GYG1: variants seen among roughly 807,000 people sequenced by gnomAD.
GYG1 encodes the protein glycogenin-1.
A neutral mutation model predicts 41.9 loss-of-function variants in GYG1; 44 were observed. The ratio of observed to expected loss-of-function variants is 1.05; its 90% confidence interval spans 0.83 to 1.35. GYG1 has a LOEUF of 1.35. Ranked by LOEUF, GYG1 falls within the 40% of genes most tolerant of loss-of-function variation. The pLI is 0.00. For missense variants in GYG1, 429 were observed against 418.9 expected, an observed-to-expected ratio of 1.02 and a Z score of -0.21; for synonymous variants, 141 against 158.1, an observed-to-expected ratio of 0.89 and a Z score of 0.81.
Position 149,029,575 on chromosome 3 carries a change from G to C in GYG1, c.*2642G>C, listed in dbSNP as rs1420138345. Among the ~76,000 whole-genome samples, 1 of 152,214 alleles carries C rather than the reference G, an allele frequency of 6.6e-6. No homozygotes were observed. The highest frequency in any genetic ancestry group is 1.9e-4 in the East Asian group (1 of 5,202). Reference sequence around the variant, plus strand: ...CTTGAGGTTAAACATTTGAGTTTTTGTTAAGAGCCAAACATCAAATGTGCC... The same window carrying C: ...CTTGAGGTTAAACATTTGAGTTTTTCTTAAGAGCCAAACATCAAATGTGCC... On this transcript the variant is annotated 3_prime_UTR_variant, in exon 8 of 8. Transcript: ENST00000345003.
At chr3:149,003,966 CCA>C (rs1280214727) in intron 4 of GYG1, 2 of 152,128 alleles carry the variant, frequency 1.3e-5, no homozygotes, top group Non-Finnish European at 2.9e-5. Context: ...ACAAATAGGC[CCA>C]GTTTCTGATA....
Position 149,029,879 on chromosome 3 carries a change from TGAA to T in GYG1, c.*2950_*2952del, listed in dbSNP as rs1307064337. ...TCACAACTCCTTTTTTTCTTCCAGATGAAGAAATTAATTGGGACCAATGTTTTT... is the reference window on the plus strand; with the variant it reads ...TCACAACTCCTTTTTTTCTTCCAGATGAAATTAATTGGGACCAATGTTTTT... On this transcript the variant is annotated 3_prime_UTR_variant, in exon 8 of 8. Transcript: ENST00000345003. Among the ~76,000 whole-genome samples the T allele has an allele frequency of 1.3e-5, 2 of 152,158 alleles. No homozygotes were observed. The highest frequency in any genetic ancestry group is 2.9e-5 in the Non-Finnish European group (2 of 68,012).
rs567552693 is a variant in GYG1 at position 148,991,566 on chromosome 3, C to T, written c.-75C>T. The T allele has an allele frequency of 2.4e-3, 3,610 of 1,529,454 alleles. 7 individuals carry two copies. Among genetic ancestry groups the T allele is most frequent in the Admixed American group, 3.1e-3 (159 of 51,232 alleles). 94.7% of individuals were successfully genotyped at this position (1,529,454 alleles called of 1,614,324 possible). ...CCCCGCCGTGCCTCCTCGCTGGCCG[C>T]GCTCCCTCCCGGTGCCGGCTTCTCT... On this transcript the variant is annotated 5_prime_UTR_variant, in exon 1 of 8. Coordinates refer to ENST00000345003, the MANE Select transcript of GYG1 (RefSeq NM_004130.4).
chr3:148,999,597 T>G (rs1712986293), intron 4 of GYG1, among the ~76,000 whole-genome samples: 1 of 152,232 alleles, frequency 6.6e-6, no homozygotes, highest in Non-Finnish European at 1.5e-5. Context: ...TGTGTTGGAC[T>G]TATGCTTGAT....
At position 149,024,089 on chromosome 3, in the gene GYG1, A is replaced by G. The variant is rs1714516187; in HGVS notation, c.645A>G (p.Gly215=). ...GASAKVVHFL[G]RVKPWNYTYD... is the part of the protein sequence containing the mutation. ...GTGCCAAAGTTGTGCATTTCCTGGG[A>G]CGAGTCAAACCATGGAATTATACTT... is the stretch of plus-strand genomic sequence containing the variant. The change falls in exon 6 of 8, where the codon GGA becomes GGG. Residue 215 remains glycine (G), a synonymous_variant. Coordinates refer to ENST00000345003, the MANE Select transcript of GYG1 (RefSeq NM_004130.4). 1 of 1,614,182 alleles carries G rather than the reference A, an allele frequency of 6.2e-7. No individual in the cohort carries two copies. The highest frequency in any genetic ancestry group is 2.2e-5 in the East Asian group (1 of 44,888).
chr3:149,008,613 C>T (rs896180740), intron 4 of GYG1, among the ~76,000 whole-genome samples: 7 of 152,326 alleles, frequency 4.6e-5, no homozygotes, highest in Admixed American at 3.3e-4. Context: ...TGTAGTGCCA[C>T]GTACATTCCT....
chr3:149,007,747 A>G (rs750075883), intron 4 of GYG1, among the ~76,000 whole-genome samples: 3 of 152,200 alleles, frequency 2.0e-5, no homozygotes, highest in Non-Finnish European at 4.4e-5. Context: ...ACTATGCAGT[A>G]TTCCTGCCTG....
intron 5 of GYG1, among the ~76,000 whole-genome samples, chr3:149,023,559 A>T (rs1182234823): frequency 6.6e-6 from 1 of 152,226 alleles, no homozygotes; most frequent in East Asian, 1.9e-4. Flanking sequence ...TGTTCTGTCC[A>T]CAATGGATTG....
chr3:148,996,227 C>A, intron 2 of GYG1, 75 bp from the exon 3 acceptor site: 1 of 988,012 alleles, frequency 1.0e-6, no homozygotes, highest in Non-Finnish European at 1.6e-6. Flanking sequence ...GGTAATAAAG[C>A]ATCAGTCTTA....
chr3:148,996,883 T>C lies in GYG1; in HGVS notation c.460T>C (p.Ser154Pro), dbSNP rs868642694. 2 of 1,613,454 alleles carry C rather than the reference T, an allele frequency of 1.2e-6. No homozygotes were observed. Among genetic ancestry groups the C allele is most frequent in the African/African-American group, 1.3e-5 (1 of 75,026 alleles). Residue 154 changes from serine to proline, a missense_variant, in exon 4 of 8, where the codon TCT becomes CCT. Coordinates refer to ENST00000345003, the MANE Select transcript of GYG1 (RefSeq NM_004130.4). Reference sequence around the variant, plus strand: ...ATACAATCAGCTGTTGCATCTTGCTTCTGAGCAAGGTAGTTTTGATGGTAT... The same window carrying C: ...ATACAATCAGCTGTTGCATCTTGCTCCTGAGCAAGGTAGTTTTGATGGTAT... Reference protein sequence around the residue: ...ETYNQLLHLASEQGSFDGGDQ... With the variant: ...ETYNQLLHLAPEQGSFDGGDQ...
rs1399589824 is a variant in GYG1 at position 148,996,843 on chromosome 3, G to A, written c.420G>A (p.Gln140=). 2 of 1,613,554 alleles carry A rather than the reference G, an allele frequency of 1.2e-6. No homozygotes were observed. Among genetic ancestry groups the A allele is most frequent in the Non-Finnish European group, 1.7e-6 (2 of 1,179,592 alleles). The change falls in exon 4 of 8, where the codon CAG becomes CAA. Residue 140 remains glutamine (Q), a synonymous_variant. Coordinates refer to ENST00000345003, the MANE Select transcript of GYG1 (RefSeq NM_004130.4). ...TCAATTCCGGAGTCTTCGTTTATCA[G>A]CCTTCAGTTGAAACATACAATCAGC... ...DCFNSGVFVY[Q]PSVETYNQLL... is the part of the protein sequence containing the mutation.
intron 5 of GYG1, 119 bp downstream of exon 5, chr3:149,009,521 A>G: frequency 1.9e-6 from 2 of 1,047,766 alleles, no homozygotes; most frequent in South Asian, 1.3e-5. Context: ...CTTTGAGGAA[A>G]GTTTCTCTTG....
At chr3:149,008,706 CA>C (rs1300127238) in intron 4 of GYG1, among the ~76,000 whole-genome samples, 1 of 152,214 alleles carries the variant, frequency 6.6e-6, no homozygotes, top group Non-Finnish European at 1.5e-5. Flanking sequence ...CTTGTGAAGA[CA>C]GTGACCATAT....
chr3:149,020,305 A>G (rs780872055), intron 5 of GYG1, among the ~76,000 whole-genome samples: 3 of 152,158 alleles, frequency 2.0e-5, no homozygotes, highest in African/African-American at 4.8e-5. Context: ...TTCACTTTCA[A>G]ATTAATTGTC....
intron 4 of GYG1, chr3:149,009,052 G>A (rs986819764): frequency 9.4e-5 from 43 of 456,476 alleles, no homozygotes; most frequent in Non-Finnish European, 1.4e-4. Flanking sequence ...CCAGCTACTC[G>A]GGAGGCTTAG....
At chr3:149,012,275 A>C (rs928874996) in intron 5 of GYG1, among the ~76,000 whole-genome samples, 1 of 152,198 alleles carries the variant, frequency 6.6e-6, no homozygotes, top group South Asian at 2.1e-4. Flanking sequence ...TCTTGGGTTC[A>C]GAATAACCTT....
chr3:148,998,531 C>T (rs1241825955), intron 4 of GYG1, among the ~76,000 whole-genome samples: 1 of 152,206 alleles, frequency 6.6e-6, no homozygotes, highest in Non-Finnish European at 1.5e-5. Context: ...TGCTCTAAAA[C>T]AGAGCAGGAG....
intron 5 of GYG1, among the ~76,000 whole-genome samples, chr3:149,020,920 T>G (rs1714336638): frequency 6.6e-6 from 1 of 152,182 alleles, no homozygotes; most frequent in Admixed American, 6.5e-5. Context: ...GTACTCTGTT[T>G]CGGTTTTAGG....
At position 149,021,985 on chromosome 3, in the gene GYG1, G is replaced by A. The variant is rs150026539; in HGVS notation, c.609-2068G>A. On this transcript the variant is annotated intron_variant, in intron 5 of 7. Coordinates refer to ENST00000345003, the MANE Select transcript of GYG1 (RefSeq NM_004130.4). ...AGAGGATACCTGGTCTAGCACACAG[G>A]TGCTCACCTGATACCTGCCATTGCC... 5.5e-3 allele frequency among the ~76,000 whole-genome samples: 835 copies of A among 152,212 alleles called. 9 individuals are homozygous for A. Among genetic ancestry groups the A allele is most frequent in the African/African-American group, 0.019 (786 of 41,532 alleles).
Sources: gnomAD v4.1 joint callset for allele counts (sites outside exome capture counted in the v4.1 genomes callset) on GRCh38, gnomAD v4.1.1 for gene constraint, MANE v1.5 for transcripts, NCBI Gene and HGNC (gene_info 2026-07-23, HGNC 2026-07-21) for gene names.